Variants in NAPSA observed in about 807,000 individuals in gnomAD.
NAPSA encodes napsin A aspartic peptidase, also known as napsin-A.
In NAPSA, 37 loss-of-function variants were observed where a neutral mutation model predicts 36.7. The observed-to-expected ratio is 1.01, with a 90% CI of 0.78 to 1.33. The LOEUF (loss-of-function observed/expected upper bound fraction) is 1.33, where lower values mean the gene tolerates loss of function less well. NAPSA is among the 40% of genes most tolerant of loss of function. The pLI, the probability that NAPSA is intolerant of heterozygous loss-of-function variation, is 0.00. For missense variants in NAPSA, 532 were observed against 543.8 expected, an observed-to-expected ratio of 0.98 and a Z score of 0.21; for synonymous variants, 222 against 234.5, an observed-to-expected ratio of 0.95 and a Z score of 0.49.
chr19:50,367,536 G>GTCTCTCTCTCCC (rs2037562279), upstream of NAPSA, among the ~76,000 whole-genome samples: 1 of 139,676 alleles, frequency 7.2e-6, no homozygotes, highest in Admixed American at 7.0e-5. Flanking sequence ...AACAGAGTCA[G>GTCTCTCTCTCCC]TCTCTCTCTC....
intron 7 of NAPSA, 123 bp downstream of exon 7, chr19:50,359,380 G>T: frequency 1.5e-6 from 2 of 1,303,690 alleles, no homozygotes; most frequent in Non-Finnish European, 1.1e-6. Context: ...CTGTCACGAA[G>T]TCCAGTGCCT....
At chr19:50,367,101 A>G (rs1359394016), upstream of NAPSA, among the ~76,000 whole-genome samples, 1 of 152,136 alleles carries the variant, frequency 6.6e-6, no homozygotes, top group Non-Finnish European at 1.5e-5. Context: ...CTGGGATTAC[A>G]GGCATGAGCC....
In NAPSA at chr19:50,361,057, A is replaced by T. The variant is rs778684981; in HGVS notation, c.552T>A (p.Asp184Glu). 3.1e-6 allele frequency: 5 copies of T among 1,614,170 alleles called. No individual in the cohort carries two copies. Among genetic ancestry groups the T allele is most frequent in the Non-Finnish European group, 4.2e-6 (5 of 1,180,018 alleles). ...PSLVFAFAHFDGILGLGFPIL... is the reference protein window; with the variant it reads ...PSLVFAFAHFEGILGLGFPIL... ...TGGGAAAACCGAGGCCCAATATCCC[A>T]TCAAAATGGGCAAAAGCGAAGACCA... is the stretch of plus-strand genomic sequence containing the variant. Residue 184 changes from aspartate to glutamate, a missense_variant, in exon 5 of 9, where the codon GAT becomes GAA. Coordinates refer to ENST00000253719, the MANE Select transcript of NAPSA (RefSeq NM_004851.3).
chr19:50,359,616 C>G lies in NAPSA; in HGVS notation c.823G>C (p.Ala275Pro). 1 of 1,614,214 alleles carries G rather than the reference C, an allele frequency of 6.2e-7. No individual in the cohort carries two copies. The highest frequency in any genetic ancestry group is 8.5e-7 in the Non-Finnish European group (1 of 1,180,042). Residue 275 changes from alanine to proline, a missense_variant, in exon 7 of 9, where the codon GCC (alanine) becomes CCC (proline). Coordinates refer to ENST00000253719, the MANE Select transcript of NAPSA (RefSeq NM_004851.3). ...VKVGPGLTLC[A>P]KGCAAILDTG... ...TCCAGGATGGCAGCACAGCCCTTGG[C>G]ACAGAGAGTCAGCCCTGGGCCCACC...
At chr19:50,359,144 T>G in intron 7 of NAPSA, 35 bp from the exon 8 acceptor site, 11 of 1,530,038 alleles carry the variant, frequency 7.2e-6, no homozygotes, top group Non-Finnish European at 1.0e-5. Flanking sequence ...AGATGAGAGA[T>G]TCCTGCTCTG....
chr19:50,358,594 G>C lies in NAPSA; in HGVS notation c.1222C>G (p.Leu408Val), dbSNP rs112996264. 2,042 of 1,611,274 alleles carry C rather than the reference G, an allele frequency of 1.3e-3. 20 individuals are homozygous for C. The African/African-American group carries it at 0.025, about 19-fold the overall frequency. ...LARARTRGADLGWGETAQAQF... is the reference protein window; with the variant it reads ...LARARTRGADVGWGETAQAQF... ...GCCTGCGCAGTCTCTCCCCATCCGAGGTCCGCTCCGCGAGTGCGAGCGCGC... is the reference window on the plus strand; with the variant it reads ...GCCTGCGCAGTCTCTCCCCATCCGACGTCCGCTCCGCGAGTGCGAGCGCGC... The change falls in exon 9 of 9, where the codon CTC becomes GTC. Residue 408 changes from leucine (L) to valine (V), a missense_variant. By Grantham distance (32) the Leu-to-Val change is conservative (BLOSUM62 1). This residue lies in a region of NAPSA where 385 missense variants were observed against 371.5 expected (regional missense o/e 1.04). Transcript: ENST00000253719.
At position 50,358,793 on chromosome 19, in the gene NAPSA, A is replaced by G; in HGVS notation, c.1036-13T>C. The G allele has an allele frequency of 6.2e-7, 1 of 1,600,836 alleles. No homozygotes were observed. Among genetic ancestry groups the G allele is most frequent in the East Asian group, 2.2e-5 (1 of 44,604 alleles). ...CATTTCGAGTAGTCTGCAAGGCAAC[A>G]AGACGACAACTGGGTGTCGCGGCCA... is the stretch of plus-strand genomic sequence containing the variant. On this transcript the variant is annotated splice_polypyrimidine_tract_variant and intron_variant, in intron 8 of 8. Transcript: ENST00000253719.
At position 50,358,719 on chromosome 19, in the gene NAPSA, G is replaced by A. The variant is rs751001658; in HGVS notation, c.1097C>T (p.Pro366Leu). The change falls in exon 9 of 9, where the codon CCT becomes CTT. Residue 366 changes from proline (P) to leucine (L), a missense_variant. By Grantham distance (98) the Pro-to-Leu change is moderately conservative. Transcript: ENST00000253719. ...SGFQALDVPP[P>L]AGPFWILGDV... ...ACCGAGGATCCAGAAGGGCCCTGCA[G>A]GCGGAGGGACATCCAGGGCCTGGAA... The A allele has an allele frequency of 9.9e-6, 16 of 1,613,566 alleles. No homozygotes were observed. The highest frequency in any genetic ancestry group is 1.3e-5 in the Non-Finnish European group (15 of 1,179,984).
At position 50,358,721 on chromosome 19, in the gene NAPSA, CG is replaced by C. The variant is rs1169495444; in HGVS notation, c.1094del (p.Pro365ArgfsTer26). 2.5e-6 allele frequency: 4 copies of C among 1,613,264 alleles called. No homozygotes were observed. The highest frequency in any genetic ancestry group is 3.4e-6 in the Non-Finnish European group (4 of 1,179,942). ...CGAGGATCCAGAAGGGCCCTGCAGG[CG>C]GAGGGACATCCAGGGCCTGGAAACC... Reference protein sequence around the residue: ...LSGFQALDVPPPAGPFWILGD... With the variant: ...LSGFQALDVPXPAGPFWILGD... On this transcript the variant is annotated frameshift_variant, in exon 9 of 9. Transcript: ENST00000253719. LOFTEE classifies it low-confidence loss of function (END_TRUNC).
At chr19:50,363,919 T>A (rs1318190604) in intron 1 of NAPSA, among the ~76,000 whole-genome samples, 6 of 152,134 alleles carry the variant, frequency 3.9e-5, no homozygotes, top group African/African-American at 1.4e-4. Flanking sequence ...AGTCTCAGTT[T>A]AAATGTCACA....
chr19:50,363,323 G>A (rs2037501600), intron 1 of NAPSA, among the ~76,000 whole-genome samples: 1 of 152,110 alleles, frequency 6.6e-6, no homozygotes, highest in Admixed American at 6.6e-5. Context: ...GGACATCAGA[G>A]GTAAGGTAGT....
upstream of NAPSA, chr19:50,365,722 C>T (rs568140054): frequency 2.7e-4 from 258 of 962,250 alleles, no homozygotes; most frequent in Non-Finnish European, 3.9e-4. Flanking sequence ...TAGAAGGAGA[C>T]CAGGACATGA....
chr19:50,358,557 C>T lies in NAPSA; in HGVS notation c.1259G>A (p.Gly420Glu), dbSNP rs1199382142. 14 of 1,592,204 alleles carry T rather than the reference C, an allele frequency of 8.8e-6. No homozygotes were observed. Among genetic ancestry groups the T allele is most frequent in the African/African-American group, 2.7e-5 (2 of 74,196 alleles). ...CGCATGCGCTTCACTTGGGCGTCAC[C>T]CGGGGAACTGCGCCTGCGCAGTCTC... ...WGETAQAQFP[G>E] The change falls in exon 9 of 9, where the codon GGG (glycine) becomes GAG (glutamate). Residue 420 changes from glycine (G) to glutamate (E), a missense_variant. By Grantham distance (98) the Gly-to-Glu change is moderately conservative. Around this residue, in one of 3 missense-constraint regions of NAPSA, gnomAD observed 385 missense variants for 371.5 expected, o/e 1.04. Coordinates refer to ENST00000253719, the MANE Select transcript of NAPSA (RefSeq NM_004851.3).
intron 1 of NAPSA, chr19:50,362,540 C>A (rs1053507809): frequency 9.8e-6 from 4 of 408,660 alleles, no homozygotes; most frequent in African/African-American, 8.2e-5. Flanking sequence ...ACAGACCTTT[C>A]CATGTCCAAA....
In NAPSA at chr19:50,358,590, C is replaced by A. The variant is rs766056067; in HGVS notation, c.1226G>T (p.Gly409Val). ...CTGCGCCTGCGCAGTCTCTCCCCATCCGAGGTCCGCTCCGCGAGTGCGAGC... is the reference window on the plus strand; with the variant it reads ...CTGCGCCTGCGCAGTCTCTCCCCATACGAGGTCCGCTCCGCGAGTGCGAGC... Reference protein sequence around the residue: ...ARARTRGADLGWGETAQAQFP... With the variant: ...ARARTRGADLVWGETAQAQFP... Residue 409 changes from glycine to valine, a missense_variant, in exon 9 of 9, where the codon GGA becomes GTA. By Grantham distance (109) the Gly-to-Val change is moderately radical. Around this residue, in one of 3 missense-constraint regions of NAPSA, gnomAD observed 385 missense variants for 371.5 expected, o/e 1.04. Coordinates refer to ENST00000253719, the MANE Select transcript of NAPSA (RefSeq NM_004851.3). 1.9e-6 allele frequency: 3 copies of A among 1,610,688 alleles called. No homozygotes were observed. Among genetic ancestry groups the A allele is most frequent in the Non-Finnish European group, 2.5e-6 (3 of 1,179,096 alleles).
In NAPSA at chr19:50,361,758, T is replaced by C. The variant is rs1438760189; in HGVS notation, c.373A>G (p.Lys125Glu). The change falls in exon 4 of 9, where the codon AAA becomes GAA. Residue 125 changes from lysine (K) to glutamate (E), a missense_variant. Lys to Glu is a moderately conservative substitution (Grantham distance 56, BLOSUM62 1). Around this residue, in one of 3 missense-constraint regions of NAPSA, gnomAD observed 45 missense variants for 78.7 expected, o/e 0.57. Transcript: ENST00000253719. ...PCWLHHRFDP[K>E]ASSSFQANGT... ...TTGGCCTGGAAGGAGCTAGAGGCTT[T>C]GGGATCAAATCGGTGGTGTAACCCT... is the stretch of plus-strand genomic sequence containing the variant. The C allele has an allele frequency of 1.2e-6, 2 of 1,614,016 alleles. No homozygotes were observed. The highest frequency in any genetic ancestry group is 1.7e-6 in the Non-Finnish European group (2 of 1,180,042).
At position 50,362,300 on chromosome 19, in the gene NAPSA, G is replaced by C. The variant is rs760564690; in HGVS notation, c.97C>G (p.Arg33Gly). The change falls in exon 2 of 9, where the codon CGA becomes GGA. Residue 33 changes from arginine to glycine, a missense_variant. Around this residue, in one of 3 missense-constraint regions of NAPSA, gnomAD observed 102 missense variants for 93.6 expected, o/e 1.09. Coordinates refer to ENST00000253719, the MANE Select transcript of NAPSA (RefSeq NM_004851.3). ...GATLIRIPLHRVQPGRRILNL... is the reference protein window; with the variant it reads ...GATLIRIPLHGVQPGRRILNL... The stretch of plus-strand genomic sequence containing the variant: ...AGGATCCTGCGTCCAGGTTGGACTC[G>C]ATGAAGAGGGATGCTGTAGGGAAAG... 3 of 1,605,514 alleles carry C rather than the reference G, an allele frequency of 1.9e-6. No individual in the cohort carries two copies. The highest frequency in any genetic ancestry group is 2.2e-5 in the East Asian group (1 of 44,746).
In NAPSA at chr19:50,358,481, T is replaced by G; in HGVS notation, c.*72A>C. The G allele has an allele frequency of 7.6e-7, 1 of 1,309,354 alleles. No individual in the cohort carries two copies. The highest frequency in any genetic ancestry group is 1.5e-5 in the African/African-American group (1 of 67,160). 81.1% of individuals were successfully genotyped at this position (1,309,354 alleles called of 1,614,324 possible). ...AAGCAACCCAGGCAGGTTCGCTCAA[T>G]GGAAATAGTGGATTTTTACTGGGTA... is the stretch of plus-strand genomic sequence containing the variant. On this transcript the variant is annotated 3_prime_UTR_variant, in exon 9 of 9. Transcript: ENST00000253719.
At chr19:50,366,431 T>C (rs1298824870), upstream of NAPSA, among the ~76,000 whole-genome samples, 1 of 152,060 alleles carries the variant, frequency 6.6e-6, no homozygotes, top group Non-Finnish European at 1.5e-5. Context: ...CTTTGTTAAA[T>C]TTATGTGATG....
Sources: allele counts gnomAD v4.1 joint callset (sites outside exome capture counted in the v4.1 genomes callset), GRCh38; gene constraint gnomAD v4.1.1; regional missense constraint gnomAD v4.1.1; transcripts MANE v1.5; gene names NCBI Gene and HGNC (gene_info 2026-07-23, HGNC 2026-07-21).